ATF7IP2: variants seen among roughly 807,000 people sequenced by gnomAD.
The protein encoded by ATF7IP2 is activating transcription factor 7-interacting protein 2.
In ATF7IP2, 42 loss-of-function variants were observed where a neutral mutation model predicts 64.2. That is an observed-to-expected ratio of 0.65 (90% CI 0.51 to 0.85). ATF7IP2 has a LOEUF of 0.85. ATF7IP2 is among the 40% of genes least tolerant of loss of function. ATF7IP2 has a pLI of 0.00. For missense variants in ATF7IP2, 933 were observed against 784.2 expected (o/e 1.19, Z -2.27); for synonymous variants, 308 against 272.8 (o/e 1.13, Z -1.27).
intron 3 of ATF7IP2, among the ~76,000 whole-genome samples, chr16:10,425,629 C>T (rs55868393): frequency 0.035 from 5,383 of 152,136 alleles, 160 homozygotes; most frequent in East Asian, 0.11. Flanking sequence ...TGTGGTGGCT[C>T]ACATCTGTAA....
At chr16:10,460,572 T>C (rs562220305) in intron 9 of ATF7IP2, among the ~76,000 whole-genome samples, 2 of 152,168 alleles carry the variant, frequency 1.3e-5, no homozygotes, top group African/African-American at 4.8e-5. Context: ...ATATGTGATA[T>C]GTGATGGAGA....
chr16:10,449,762 GATTC>G (rs1284011415), intron 8 of ATF7IP2: 3 of 152,084 alleles, frequency 2.0e-5, no homozygotes, highest in Non-Finnish European at 4.4e-5. Flanking sequence ...CCAGCTCCTG[GATTC>G]ATTGATTTTT....
At chr16:10,404,149 C>G (rs1193615321) in intron 1 of ATF7IP2, among the ~76,000 whole-genome samples, 2 of 152,188 alleles carry the variant, frequency 1.3e-5, no homozygotes, top group African/African-American at 4.8e-5. Flanking sequence ...CAAACTGTCT[C>G]AAGTCAAGGT....
At chr16:10,422,631 T>C (rs1288089054) in intron 3 of ATF7IP2, among the ~76,000 whole-genome samples, 1 of 152,244 alleles carries the variant, frequency 6.6e-6, no homozygotes, top group African/African-American at 2.4e-5. Flanking sequence ...CAGCCAGTGC[T>C]GTAGAGAAAT....
chr16:10,457,793 A>G (rs2049232235), intron 9 of ATF7IP2, among the ~76,000 whole-genome samples: 1 of 151,890 alleles, frequency 6.6e-6, no homozygotes, highest in African/African-American at 2.4e-5. Flanking sequence ...TGCAGCCTCG[A>G]CCTCCTTCCT....
intron 3 of ATF7IP2, among the ~76,000 whole-genome samples, chr16:10,421,905 T>C (rs999194002): frequency 2.6e-5 from 4 of 152,244 alleles, no homozygotes; most frequent in Non-Finnish European, 5.9e-5. Flanking sequence ...ATTCACAGTC[T>C]TGCTCAGCTA....
In ATF7IP2 at chr16:10,423,886, T is replaced by G. The variant is rs139225373; in HGVS notation, c.-160+4263T>G. ...ATTGCTTAAGAGTACTCGGGTGTCCTCCAGCGTAGTTCCATGTTCTCCAGT... is the reference window on the plus strand; with the variant it reads ...ATTGCTTAAGAGTACTCGGGTGTCCGCCAGCGTAGTTCCATGTTCTCCAGT... On this transcript the variant is annotated intron_variant, in intron 3 of 13. Coordinates refer to ENST00000562102, the MANE Select transcript of ATF7IP2 (RefSeq NM_001393719.1). Among the ~76,000 whole-genome samples, 596 of 152,298 alleles carry G rather than the reference T, an allele frequency of 3.9e-3. 9 individuals carry two copies. The East Asian group carries it at 0.066, about 17-fold the overall frequency.
chr16:10,463,796 A>G (rs944187681), intron 9 of ATF7IP2, among the ~76,000 whole-genome samples: 12 of 152,220 alleles, frequency 7.9e-5, no homozygotes, highest in East Asian at 1.9e-4. Context: ...CAATATTTCA[A>G]TCTATTCAGA....
intron 3 of ATF7IP2, 122 bp downstream of exon 3, chr16:10,419,745 G>A (rs1304514821): frequency 1.3e-5 from 2 of 152,268 alleles, no homozygotes; most frequent in Admixed American, 6.5e-5. Context: ...CGGAGTATCT[G>A]GCTCATAGTA....
intron 8 of ATF7IP2, chr16:10,447,175 T>C (rs1374063433): frequency 2.0e-5 from 3 of 152,422 alleles, no homozygotes; most frequent in Non-Finnish European, 1.5e-5. Flanking sequence ...ACCTCCAAGA[T>C]ACTCCAACCA....
At chr16:10,425,391 C>G (rs1334533394) in intron 3 of ATF7IP2, among the ~76,000 whole-genome samples, 3 of 151,086 alleles carry the variant, frequency 2.0e-5, no homozygotes, top group African/African-American at 7.3e-5. Context: ...TAAAGGTATT[C>G]AATTCCATGC....
At chr16:10,402,656 G>T (rs545128121) in intron 1 of ATF7IP2, among the ~76,000 whole-genome samples, 2 of 152,126 alleles carry the variant, frequency 1.3e-5, no homozygotes, top group South Asian at 4.2e-4. Flanking sequence ...GTAGAAACAG[G>T]GTTTCACCAT....
In ATF7IP2 at chr16:10,482,246, G is replaced by C. The variant is rs141159056; in HGVS notation, c.2046G>C (p.Thr682=). 2 of 1,569,682 alleles carry C rather than the reference G, an allele frequency of 1.3e-6. No individual in the cohort carries two copies. Among genetic ancestry groups the C allele is most frequent in the Non-Finnish European group, 8.6e-7 (1 of 1,158,294 alleles). The change falls in exon 14 of 14, where the codon ACG becomes ACC. Residue 682 remains threonine, a synonymous_variant. Transcript: ENST00000562102. Reference sequence around the variant, plus strand: ...TCCCTGGGTTTTCTGAAAATCTTACGTAAAAGGTGTTTAATAATGATATAC... The same window carrying C: ...TCCCTGGGTTTTCTGAAAATCTTACCTAAAAGGTGTTTAATAATGATATAC... ...KSIPGFSENL[T]
chr16:10,443,776 A>G (rs1218329944), intron 8 of ATF7IP2, among the ~76,000 whole-genome samples: 1 of 152,140 alleles, frequency 6.6e-6, no homozygotes, highest in East Asian at 1.9e-4. Flanking sequence ...TTGGCTCCTA[A>G]ACCATAGAGA....
At chr16:10,440,336 T>A (rs746625748) in intron 7 of ATF7IP2, 28 bp from the exon 8 acceptor site, 38 of 1,185,530 alleles carry the variant, frequency 3.2e-5, no homozygotes, top group Non-Finnish European at 2.4e-6. Flanking sequence ...TCTGGCTTAG[T>A]ATTTATTTTT....
At chr16:10,400,307 T>C (rs1013432265) in intron 1 of ATF7IP2, among the ~76,000 whole-genome samples, 15 of 152,130 alleles carry the variant, frequency 9.9e-5, no homozygotes, top group African/African-American at 3.4e-4. Context: ...TCCCAAAGTG[T>C]TGGGATTACA....
In ATF7IP2 at chr16:10,438,195, A is replaced by G; in HGVS notation, c.1055A>G (p.Glu352Gly). 1 of 1,604,838 alleles carries G rather than the reference A, an allele frequency of 6.2e-7. No individual in the cohort carries two copies. The highest frequency in any genetic ancestry group is 8.5e-7 in the Non-Finnish European group (1 of 1,176,618). Residue 352 changes from glutamate to glycine, a missense_variant, in exon 7 of 14, where the codon GAG becomes GGG. Physicochemically the swap from Glu to Gly is moderately conservative, Grantham distance 98 (BLOSUM62 -2). Transcript: ENST00000562102. The part of the protein sequence containing the change: ...KELNQRIGKT[E>G]CRNKHEGIAD... The stretch of plus-strand genomic sequence containing the variant: ...TTGAACCAACGCATTGGGAAGACAG[A>G]GTGCAGAAATAAGCATGAAGGAATA...
At chr16:10,400,705 C>A (rs143135699) in intron 1 of ATF7IP2, among the ~76,000 whole-genome samples, 1 of 152,054 alleles carries the variant, frequency 6.6e-6, no homozygotes, top group Non-Finnish European at 1.5e-5. Flanking sequence ...TTTTTTGAGA[C>A]AGAGTCTTGC....
intron 12 of ATF7IP2, among the ~76,000 whole-genome samples, chr16:10,480,237 A>AAAG (rs1199706580): frequency 3.9e-5 from 6 of 151,962 alleles, no homozygotes; most frequent in East Asian, 3.9e-4. Context: ...TCTGCGTCCT[A>AAAG]AAGTGCTGGG....
Sources: gnomAD v4.1 joint callset for allele counts (sites outside exome capture counted in the v4.1 genomes callset) on GRCh38, gnomAD v4.1.1 for gene constraint, MANE v1.5 for transcripts, NCBI Gene and HGNC (gene_info 2026-07-23, HGNC 2026-07-21) for gene names.